Variants in CCDC6 observed in about 807,000 individuals in gnomAD.
CCDC6 encodes coiled-coil domain containing 6.
CCDC6 carries 20 observed loss-of-function variants against 56.6 expected under a neutral mutation model. That is an observed-to-expected ratio of 0.35 (90% CI 0.25 to 0.51). The LOEUF (loss-of-function observed/expected upper bound fraction) is 0.51. Ranked by LOEUF, CCDC6 falls within the 20% of genes least tolerant of loss-of-function variation. The probability of loss-of-function intolerance (pLI) is 0.95; values close to 1 mark genes in which losing one functional copy is unlikely to be tolerated. For synonymous variants in CCDC6, 241 were observed against 234.4 expected (o/e 1.03, Z -0.26); for missense variants, 367 against 601.1 (o/e 0.61, Z 4.07).
At chr10:59,823,286 C>T (rs934293427) in intron 3 of CCDC6, among the ~76,000 whole-genome samples, 1 of 152,174 alleles carries the variant, frequency 6.6e-6, no homozygotes, top group Non-Finnish European at 1.5e-5. Context: ...ACACTTAAGC[C>T]GTCCATGGAC....
At chr10:59,863,636 T>G (rs1490460499) in intron 1 of CCDC6, among the ~76,000 whole-genome samples, 1 of 152,190 alleles carries the variant, frequency 6.6e-6, no homozygotes, top group Non-Finnish European at 1.5e-5. Context: ...TAAAAACCAC[T>G]GAACTGTACA....
At chr10:59,834,893 A>G (rs781164345) in intron 2 of CCDC6, among the ~76,000 whole-genome samples, 10 of 152,354 alleles carry the variant, frequency 6.6e-5, no homozygotes, top group Middle Eastern at 3.4e-3. Context: ...GCTTAGGAGG[A>G]AAAATATAGC....
intron 7 of CCDC6, 59 bp downstream of exon 7, chr10:59,804,361 G>T (rs955834904): frequency 2.1e-6 from 2 of 933,420 alleles, no homozygotes; most frequent in African/African-American, 1.6e-5. Flanking sequence ...ACACAGTCAG[G>T]GTTGCCTATT....
chr10:59,838,139 C>A (rs1471771475), intron 2 of CCDC6, among the ~76,000 whole-genome samples: 1 of 152,072 alleles, frequency 6.6e-6, no homozygotes, highest in African/African-American at 2.4e-5. Context: ...CCACCTCCTC[C>A]CCTTCTGTTA....
intron 1 of CCDC6, among the ~76,000 whole-genome samples, chr10:59,889,746 C>T (rs541469927): frequency 6.6e-6 from 1 of 152,258 alleles, no homozygotes; most frequent in South Asian, 2.1e-4. Flanking sequence ...TCCCCTTTCT[C>T]CAACTTGGGC....
chr10:59,820,141 G>A (rs1164483882), intron 3 of CCDC6, among the ~76,000 whole-genome samples: 1 of 152,250 alleles, frequency 6.6e-6, no homozygotes, highest in Non-Finnish European at 1.5e-5. Flanking sequence ...GACCAAAGAA[G>A]CAGAAAGGGA....
At chr10:59,819,234 A>G (rs1174669422) in intron 3 of CCDC6, among the ~76,000 whole-genome samples, 1 of 152,204 alleles carries the variant, frequency 6.6e-6, no homozygotes, top group Non-Finnish European at 1.5e-5. Context: ...GTCAGTTTCC[A>G]AGAACTATAC....
At chr10:59,866,170 C>T (rs189311072) in intron 1 of CCDC6, among the ~76,000 whole-genome samples, 86 of 152,338 alleles carry the variant, frequency 5.6e-4, no homozygotes, top group East Asian at 1.9e-4. Flanking sequence ...ACACTGCATA[C>T]GACAGACACT....
chr10:59,827,641 G>T (rs1265391614), intron 3 of CCDC6, among the ~76,000 whole-genome samples: 1 of 152,128 alleles, frequency 6.6e-6, no homozygotes, highest in Non-Finnish European at 1.5e-5. Flanking sequence ...CATTATAAAT[G>T]GATGCTAATA....
At chr10:59,861,133 C>T (rs886232501) in intron 1 of CCDC6, among the ~76,000 whole-genome samples, 27 of 152,080 alleles carry the variant, frequency 1.8e-4, no homozygotes, top group African/African-American at 6.5e-4. Flanking sequence ...GAGCCAAGAT[C>T]TCACCATTGC....
Position 59,791,271 on chromosome 10 carries a change from G to A in CCDC6, c.*1646C>T. The A allele has an allele frequency of 1.0e-5, 2 of 200,974 alleles. No individual in the cohort carries two copies. The highest frequency in any genetic ancestry group is 2.0e-5 in the Non-Finnish European group (2 of 97,664). 12.4% of individuals were successfully genotyped at this position (200,974 alleles called of 1,614,324 possible). ...AATTGAGTGATGTTCTCAGTTTGGG[G>A]GTGGAAGCAGGAAGAGGTGAAAAAA... On this transcript the variant is annotated 3_prime_UTR_variant, in exon 9 of 9. Coordinates refer to ENST00000263102, the MANE Select transcript of CCDC6 (RefSeq NM_005436.5).
At chr10:59,901,726 A>T (rs777156636) in intron 1 of CCDC6, among the ~76,000 whole-genome samples, 1 of 152,168 alleles carries the variant, frequency 6.6e-6, no homozygotes, top group Non-Finnish European at 1.5e-5. Flanking sequence ...ATACACGGAG[A>T]ATGCCAGCAA....
chr10:59,906,359 G>C lies in CCDC6; in HGVS notation c.66C>G (p.Ala22=). 6.3e-7 allele frequency: 1 copy of C among 1,595,734 alleles called. No homozygotes were observed. The highest frequency in any genetic ancestry group is 8.5e-7 in the Non-Finnish European group (1 of 1,178,212). Residue 22 remains alanine (A), a synonymous_variant, in exon 1 of 9, where the codon GCC becomes GCG. Transcript: ENST00000263102. ...AGGTCGACGAGCAGGACGACTGCAT[G>C]GCGGCCGAGCTGCTGCTGTTGCCCC... The part of the protein sequence containing the change: ...GAGGNSSSSA[A]MQSSCSSTSG...
chr10:59,821,549 A>C (rs10821605), intron 3 of CCDC6, among the ~76,000 whole-genome samples: 80,951 of 151,992 alleles, frequency 0.53, 22,914 homozygotes, highest in African/African-American at 0.73. Context: ...ACCACAGAGT[A>C]TCCCCAGGTG....
intron 1 of CCDC6, among the ~76,000 whole-genome samples, chr10:59,852,979 T>C (rs2071051666): frequency 1.3e-5 from 2 of 152,216 alleles, no homozygotes; most frequent in African/African-American, 4.8e-5. Context: ...CAAGATCACA[T>C]TGCAGTTTTT....
intron 2 of CCDC6, among the ~76,000 whole-genome samples, chr10:59,844,762 AAG>A (rs1554884868): frequency 2.2e-5 from 3 of 134,022 alleles, no homozygotes; most frequent in South Asian, 4.9e-4. Context: ...AAAAAAAAAA[AAG>A]AGAGAGAGAG....
rs1293544432 is a variant in CCDC6 at position 59,906,430 on chromosome 10, C to G, written c.-6G>C. 1 of 1,511,998 alleles carries G rather than the reference C, an allele frequency of 6.6e-7. No homozygotes were observed. Among genetic ancestry groups the G allele is most frequent in the Non-Finnish European group, 8.7e-7 (1 of 1,145,856 alleles). 93.7% of individuals were successfully genotyped at this position (1,511,998 alleles called of 1,614,324 possible). On this transcript the variant is annotated 5_prime_UTR_variant, in exon 1 of 9. Transcript: ENST00000263102. ...TCGCTGGCGCTGTCCGCCATGGCCG[C>G]GGCGGGCTGGGGAAAGGAGGAGGAG...
chr10:59,859,954 C>T (rs550660079), intron 1 of CCDC6, among the ~76,000 whole-genome samples: 11 of 152,212 alleles, frequency 7.2e-5, no homozygotes, highest in Non-Finnish European at 1.5e-4. Flanking sequence ...TGGTGGCGCA[C>T]GCCTATAATC....
intron 7 of CCDC6, among the ~76,000 whole-genome samples, chr10:59,795,956 T>TA (rs1425946603): frequency 6.6e-6 from 1 of 152,158 alleles, no homozygotes; most frequent in Non-Finnish European, 1.5e-5. Context: ...TGTGTCTTTA[T>TA]AGCAGCATGA....
Sources: allele counts gnomAD v4.1 joint callset (sites outside exome capture counted in the v4.1 genomes callset), GRCh38; gene constraint gnomAD v4.1.1; transcripts MANE v1.5; gene names NCBI Gene and HGNC (gene_info 2026-07-23, HGNC 2026-07-21).